UNC5CL: variants seen among roughly 807,000 people sequenced by gnomAD.
UNC5CL encodes unc-5 family C-terminal like.
A neutral mutation model predicts 54.1 loss-of-function variants in UNC5CL; 42 were observed. That is an observed-to-expected ratio of 0.78 (90% confidence interval 0.61 to 1.00). The LOEUF (loss-of-function observed/expected upper bound fraction) is 1.00. Ranked by LOEUF, UNC5CL falls within the 50% of genes least tolerant of loss-of-function variation. The pLI is 0.00. For missense variants in UNC5CL, 619 were observed against 675.6 expected, an observed-to-expected ratio of 0.92 and a Z score of 0.93; for synonymous variants, 285 against 285.1, an observed-to-expected ratio of 1.00 and a Z score of 0.00.
Position 41,031,694 on chromosome 6 carries a change from T to A in UNC5CL, c.1106A>T (p.His369Leu), listed in dbSNP as rs1762453876. The change falls in exon 6 of 9, where the codon CAC becomes CTC. Residue 369 changes from histidine (H) to leucine (L), a missense_variant. Physicochemically the swap from His to Leu is moderately conservative, Grantham distance 99 (BLOSUM62 -3). Coordinates refer to ENST00000244565, the MANE Select transcript of UNC5CL (RefSeq NM_173561.3). ...ALTNEIIVTM[H>L]TFQDGLETKY... Reference sequence around the variant, plus strand: ...GCTCCAACTCACATCCTGGAAGGTGTGCATGGTGACAATGATCTCATTGGT... The same window carrying A: ...GCTCCAACTCACATCCTGGAAGGTGAGCATGGTGACAATGATCTCATTGGT... 1 of 1,614,168 alleles carries A rather than the reference T, an allele frequency of 6.2e-7. No homozygotes were observed. The highest frequency in any genetic ancestry group is 8.5e-7 in the Non-Finnish European group (1 of 1,180,034).
Position 41,035,945 on chromosome 6 carries a change from A to C in UNC5CL, c.-61-810T>G, listed in dbSNP as rs530936418. 5.3e-5 allele frequency among the ~76,000 whole-genome samples: 8 copies of C among 152,376 alleles called. No individual in the cohort carries two copies. In the South Asian group the frequency reaches 1.0e-3, roughly 20 times the overall value. On this transcript the variant is annotated intron_variant, in intron 1 of 8. Transcript: ENST00000244565. ...TCTACCTTGATCTACAAGTGCTGATACAAAAAAATCTATAAGTGGAAAAAG... is the reference window on the plus strand; with the variant it reads ...TCTACCTTGATCTACAAGTGCTGATCCAAAAAAATCTATAAGTGGAAAAAG...
At position 41,029,264 on chromosome 6, in the gene UNC5CL, G is replaced by A. The variant is rs1762425644; in HGVS notation, c.1335-669C>T. Among the ~76,000 whole-genome samples, 1 of 152,106 alleles carries A rather than the reference G, an allele frequency of 6.6e-6. No individual in the cohort carries two copies. Among genetic ancestry groups the A allele is most frequent in the East Asian group, 1.9e-4 (1 of 5,192 alleles). On this transcript the variant is annotated intron_variant, in intron 8 of 8. Coordinates refer to ENST00000244565, the MANE Select transcript of UNC5CL (RefSeq NM_173561.3). The surrounding 1 kb of genome is among the most constrained non-coding windows in gnomAD (Gnocchi z 4.1). ...CCTCTGCTACTCCCCAAAACAAAAT[G>A]GCTGATCTCTTCCCCATCACTTCCT...
chr6:41,035,092 G>A lies in UNC5CL; in HGVS notation c.-18C>T. 6.5e-7 allele frequency: 1 copy of A among 1,540,230 alleles called. No individual in the cohort carries two copies. The highest frequency in any genetic ancestry group is 8.8e-7 in the Non-Finnish European group (1 of 1,140,378). ...GGGCACATTCGCCTGGTTACTCAAT[G>A]CCGCTGGCTCTCCTTCACCCCTGTG... On this transcript the variant is annotated 5_prime_UTR_variant, in exon 2 of 9. Transcript: ENST00000244565.
chr6:41,033,658 CAG>C, intron 3 of UNC5CL: 6 of 593,224 alleles, frequency 1.0e-5, no homozygotes, highest in African/African-American at 1.9e-5. Context: ...TCCAGACAGA[CAG>C]AGAGACAGCA....
intron 2 of UNC5CL, among the ~76,000 whole-genome samples, chr6:41,034,461 A>G (rs772948925): frequency 2.0e-5 from 3 of 152,182 alleles, no homozygotes; most frequent in Admixed American, 6.5e-5. Context: ...TTACTAGAGA[A>G]TTGTCACAGC....
rs1228111652 is a variant in UNC5CL, at chr6:41,029,814, C to T, written c.1334+574G>A. On this transcript the variant is annotated intron_variant, in intron 8 of 8. Transcript: ENST00000244565. This position sits in a 1 kb window ranked among gnomAD's most constrained non-coding sequence, Gnocchi z 4.1. Reference sequence around the variant, plus strand: ...TTGCGCCATTGCACTCCAGCCTGGGCGACAGAGCAAGACTCCGTCTCAAAT... The same window carrying T: ...TTGCGCCATTGCACTCCAGCCTGGGTGACAGAGCAAGACTCCGTCTCAAAT... Among the ~76,000 whole-genome samples, 3 of 152,086 alleles carry T rather than the reference C, an allele frequency of 2.0e-5. No individual in the cohort carries two copies. Among genetic ancestry groups the T allele is most frequent in the South Asian group, 2.1e-4 (1 of 4,820 alleles).
Position 41,029,449 on chromosome 6 carries a change from G to A in UNC5CL, c.1335-854C>T, listed in dbSNP as rs1056817745. Among the ~76,000 whole-genome samples, 16 of 152,220 alleles carry A rather than the reference G, an allele frequency of 1.1e-4. No individual in the cohort carries two copies. The highest frequency in any genetic ancestry group is 1.8e-4 in the Non-Finnish European group (12 of 68,046). On this transcript the variant is annotated intron_variant, in intron 8 of 8. Coordinates refer to ENST00000244565, the MANE Select transcript of UNC5CL (RefSeq NM_173561.3). This position sits in a 1 kb window ranked among gnomAD's most constrained non-coding sequence, Gnocchi z 4.1. ...GTTATACAATACTGGATTCTTACAG[G>A]AAGGCACAAGGAACACTTGCCTTTA...
Position 41,034,846 on chromosome 6 carries a change from C to G in UNC5CL, c.229G>C (p.Val77Leu), listed in dbSNP as rs1561830707. The G allele has an allele frequency of 1.2e-6, 2 of 1,614,224 alleles. No homozygotes were observed. The change falls in exon 2 of 9, where the codon GTT becomes CTT. Residue 77 changes from valine (V) to leucine (L), a missense_variant. By Grantham distance (32) the Val-to-Leu change is conservative. Coordinates refer to ENST00000244565, the MANE Select transcript of UNC5CL (RefSeq NM_173561.3). ...QHLPATLPEM[V>L]AFYQELHTPT... ...GTGTGTAGCTCCTGGTAGAAGGCAA[C>G]CATCTCTGGCAGTGTGGCTGGCAGG...
chr6:41,037,707 C>G (rs750847362), intron 1 of UNC5CL, among the ~76,000 whole-genome samples: 4 of 152,200 alleles, frequency 2.6e-5, no homozygotes, highest in Admixed American at 6.5e-5. Context: ...AATGCACCAG[C>G]CTTTTTCAAC....
Position 41,028,706 on chromosome 6 carries a change from T to C in UNC5CL, c.1335-111A>G. The C allele has an allele frequency of 9.6e-7, 1 of 1,036,786 alleles. No individual in the cohort carries two copies. Among genetic ancestry groups the C allele is most frequent in the South Asian group, 1.6e-5 (1 of 62,844 alleles). The allele number at this position is 1,036,786 out of a possible 1,614,324, so 64.2% of individuals were successfully genotyped here. The stretch of plus-strand genomic sequence containing the variant: ...CAAGGTCCGTCCCTTCCCCATCCTG[T>C]AGCTTTTGTCCTTGTCCTGCTCTTG... On this transcript the variant is annotated intron_variant, in intron 8 of 8. Transcript: ENST00000244565. This position sits in a 1 kb window ranked among gnomAD's most constrained non-coding sequence, Gnocchi z 4.3.
rs1461345117 is a variant in UNC5CL at position 41,033,002 on chromosome 6, C to T, written c.831G>A (p.Leu277=). 2 of 1,605,840 alleles carry T rather than the reference C, an allele frequency of 1.2e-6. No homozygotes were observed. Among genetic ancestry groups the T allele is most frequent in the Non-Finnish European group, 1.7e-6 (2 of 1,176,266 alleles). ...IYFLNNTPCA[L]QWALTNEQPH... ...GCTGCTCGTTGGTCAGTGCCCACTG[C>T]AGGGCGCAGGGCGTGTTGTTGAGGA... The change falls in exon 4 of 9, where the codon CTG becomes CTA. Residue 277 remains leucine, a synonymous_variant. Transcript: ENST00000244565.
rs73425240 is a variant in UNC5CL at position 41,033,051 on chromosome 6, G to A, written c.782C>T (p.Ser261Phe). ...GAAGTAGATACGCAGTTGCAGATGG[G>A]ACTGTCCTGGCACCAGCGGTGAGCA... ...VFCSPLVPGQSHLQLRIYFLN... is the reference protein window; with the variant it reads ...VFCSPLVPGQFHLQLRIYFLN... The change falls in exon 4 of 9, where the codon TCC becomes TTC. Residue 261 changes from serine to phenylalanine, a missense_variant. Transcript: ENST00000244565. The A allele has an allele frequency of 3.0e-4, 477 of 1,612,428 alleles. No homozygotes were observed. The African/African-American group carries it at 5.8e-3, about 20-fold the overall frequency.
In UNC5CL at chr6:41,028,071, A is replaced by G. The variant is rs1479146335; in HGVS notation, c.*302T>C. ...AATACTTTAGGGCCTGACCGGCCCT[A>G]AAGTGCACGCGGGGACCGTGGCCGT... On this transcript the variant is annotated 3_prime_UTR_variant, in exon 9 of 9. Transcript: ENST00000244565. This position sits in a 1 kb window ranked among gnomAD's most constrained non-coding sequence, Gnocchi z 4.3. 11 of 421,368 alleles carry G rather than the reference A, an allele frequency of 2.6e-5. No individual in the cohort carries two copies. Among genetic ancestry groups the G allele is most frequent in the Non-Finnish European group, 3.8e-5 (9 of 234,322 alleles). The allele number at this position is 421,368 out of a possible 1,614,324, so 26.1% of individuals were successfully genotyped here. A position where few individuals can be genotyped will look rare whatever the true frequency, so the allele number is the denominator to read the frequency against.
In UNC5CL at chr6:41,028,623, G is replaced by C; in HGVS notation, c.1335-28C>G. The C allele has an allele frequency of 6.2e-7, 1 of 1,604,046 alleles. No individual in the cohort carries two copies. Among genetic ancestry groups the C allele is most frequent in the South Asian group, 1.1e-5 (1 of 90,650 alleles). ...GGCCCGAGGTAGGGGAGGAAGAGAA[G>C]GGTGTAGGAGCAGGGAGGGGCTCCC... On this transcript the variant is annotated intron_variant, in intron 8 of 8. Coordinates refer to ENST00000244565, the MANE Select transcript of UNC5CL (RefSeq NM_173561.3). This position sits in a 1 kb window ranked among gnomAD's most constrained non-coding sequence, Gnocchi z 4.3.
intron 3 of UNC5CL, 139 bp from the exon 4 acceptor site, chr6:41,033,285 G>A (rs1448497466): frequency 1.9e-6 from 2 of 1,048,744 alleles, no homozygotes; most frequent in Non-Finnish European, 2.7e-6. Context: ...GGAGCACTTA[G>A]GGAGGAACTG....
chr6:41,033,197 C>T (rs1289648702), intron 3 of UNC5CL, 51 bp from the exon 4 acceptor site: 9 of 1,574,464 alleles, frequency 5.7e-6, no homozygotes, highest in Non-Finnish European at 7.8e-6. Context: ...GGCTAAGACA[C>T]CAACACACTG....
chr6:41,037,187 C>T (rs1762535904), intron 1 of UNC5CL, among the ~76,000 whole-genome samples: 1 of 152,244 alleles, frequency 6.6e-6, no homozygotes, highest in Admixed American at 6.5e-5. Context: ...TACTGAGTCA[C>T]TCTTGATTAT....
rs756565840 is a variant in UNC5CL, at chr6:41,035,004, A to G, written c.71T>C (p.Val24Ala). 6.2e-7 allele frequency: 1 copy of G among 1,603,380 alleles called. No individual in the cohort carries two copies. Among genetic ancestry groups the G allele is most frequent in the Non-Finnish European group, 8.5e-7 (1 of 1,171,510 alleles). ...LLLVGVPVAS[V>A]LLLAQCLRWH... ...TCGAAGGCATTGGGCCAGAAGGAGGACACTTGCCACTGGGACCCCCACCAG... is the reference window on the plus strand; with the variant it reads ...TCGAAGGCATTGGGCCAGAAGGAGGGCACTTGCCACTGGGACCCCCACCAG... The change falls in exon 2 of 9, where the codon GTC (valine) becomes GCC (alanine). Residue 24 changes from valine (V) to alanine (A), a missense_variant. By Grantham distance (64) the Val-to-Ala change is moderately conservative (BLOSUM62 0). Coordinates refer to ENST00000244565, the MANE Select transcript of UNC5CL (RefSeq NM_173561.3).
At chr6:41,036,815 G>A (rs1322810132) in intron 1 of UNC5CL, among the ~76,000 whole-genome samples, 1 of 150,954 alleles carries the variant, frequency 6.6e-6, no homozygotes, top group South Asian at 2.1e-4. Flanking sequence ...CTGGAATGAG[G>A]CAGGGCAAAA....
Sources: allele counts gnomAD v4.1 joint callset (sites outside exome capture counted in the v4.1 genomes callset), GRCh38; gene constraint gnomAD v4.1.1; non-coding constraint Gnocchi (gnomAD v3.1); transcripts MANE v1.5; gene names NCBI Gene and HGNC (gene_info 2026-07-23, HGNC 2026-07-21).